Variants in CAMTA1 observed in about 807,000 individuals in gnomAD.
The protein encoded by CAMTA1 is calmodulin binding transcription activator 1.
CAMTA1 carries 27 observed loss-of-function variants against 170.9 expected under a neutral mutation model. The ratio of observed to expected loss-of-function variants is 0.16; its 90% CI spans 0.12 to 0.22. The LOEUF is 0.22. Ranked by LOEUF, CAMTA1 falls within the 10% of genes least tolerant of loss-of-function variation. CAMTA1 has a pLI of 1.00. For missense variants in CAMTA1, 1,619 were observed against 2,217.2 expected, an observed-to-expected ratio of 0.73 and a Z score of 5.42; for synonymous variants, 833 against 891.5, an observed-to-expected ratio of 0.93 and a Z score of 1.17.
chr1:6,844,058 G>T (rs1003085392), intron 3 of CAMTA1, among the ~76,000 whole-genome samples: 26 of 152,196 alleles, frequency 1.7e-4, no homozygotes, highest in African/African-American at 6.3e-4. Context: ...CTGTATAGCT[G>T]TGAAAACTAA....
Position 7,664,087 on chromosome 1 carries a change from C to T in CAMTA1, c.1540C>T (p.His514Tyr), listed in dbSNP as rs1167151900. 2 of 1,613,522 alleles carry T rather than the reference C, an allele frequency of 1.2e-6. No individual in the cohort carries two copies. The highest frequency in any genetic ancestry group is 1.3e-5 in the African/African-American group (1 of 74,944). The change falls in exon 9 of 23, where the codon CAC (histidine) becomes TAC (tyrosine). Residue 514 changes from histidine (H) to tyrosine (Y), a missense_variant. His to Tyr is a moderately conservative substitution (Grantham distance 83, BLOSUM62 2). Coordinates refer to ENST00000303635, the MANE Select transcript of CAMTA1 (RefSeq NM_015215.4). The stretch of plus-strand genomic sequence containing the variant: ...CGAGATGGTCAGCTCCAACATCCGG[C>T]ACTCGCCACCCGGGGAGCGGAGCTT... ...KAEMVSSNIR[H>Y]SPPGERSFSF...
At chr1:7,121,438 C>T (rs1558130027) in intron 4 of CAMTA1, among the ~76,000 whole-genome samples, 1 of 152,224 alleles carries the variant, frequency 6.6e-6, no homozygotes, top group East Asian at 1.9e-4. Context: ...AGGGAATGTT[C>T]TGGTTGCTAG....
intron 3 of CAMTA1, among the ~76,000 whole-genome samples, chr1:7,000,051 G>A (rs982715958): frequency 2.6e-5 from 4 of 152,222 alleles, no homozygotes; most frequent in East Asian, 1.9e-4. Flanking sequence ...GACTGTCTGC[G>A]TTGTCTGGGC....
At chr1:7,582,167 C>T (rs1246109629) in intron 6 of CAMTA1, among the ~76,000 whole-genome samples, 1 of 152,162 alleles carries the variant, frequency 6.6e-6, no homozygotes, top group African/African-American at 2.4e-5. Context: ...TCCCCAGCAA[C>T]GGCAGGGTCC....
chr1:7,690,546 T>C (rs1184011872), intron 11 of CAMTA1, among the ~76,000 whole-genome samples: 1 of 152,222 alleles, frequency 6.6e-6, no homozygotes, highest in Non-Finnish European at 1.5e-5. Flanking sequence ...GCTGCATCGA[T>C]TGGTCTTGAG....
At chr1:6,981,249 C>G (rs892529709) in intron 3 of CAMTA1, among the ~76,000 whole-genome samples, 2 of 151,994 alleles carry the variant, frequency 1.3e-5, no homozygotes, top group African/African-American at 4.8e-5. Context: ...TCAGAATTTC[C>G]AATAAAGGAT....
In CAMTA1 at chr1:7,592,715, A is replaced by G. The variant is rs894689208; in HGVS notation, c.511-47685A>G. 6.6e-6 allele frequency among the ~76,000 whole-genome samples: 1 copy of G among 152,188 alleles called. No homozygotes were observed. The highest frequency in any genetic ancestry group is 1.5e-5 in the Non-Finnish European group (1 of 68,034). ...TCTGTGCCCTGAACATAGGACACAC[A>G]GTGTCCTCATGGAGTCAACCAGCAT... On this transcript the variant is annotated intron_variant, in intron 6 of 22. Coordinates refer to ENST00000303635, the MANE Select transcript of CAMTA1 (RefSeq NM_015215.4). This position sits in a 1 kb window ranked among gnomAD's most constrained non-coding sequence, Gnocchi z 4.6.
intron 6 of CAMTA1, among the ~76,000 whole-genome samples, chr1:7,474,321 G>A (rs11807010): frequency 0.13 from 17,753 of 134,318 alleles, 2,391 homozygotes; most frequent in African/African-American, 0.24. Context: ...AGCAGCTATT[G>A]GCTGTGTGAA....
chr1:7,756,447 A>G (rs1036993019), intron 22 of CAMTA1, among the ~76,000 whole-genome samples: 1 of 152,202 alleles, frequency 6.6e-6, no homozygotes, highest in South Asian at 2.1e-4. Context: ...GAGATTTTAG[A>G]ATATGATGCT....
intron 5 of CAMTA1, among the ~76,000 whole-genome samples, chr1:7,405,695 A>G (rs911985599): frequency 3.3e-5 from 5 of 152,104 alleles, no homozygotes; most frequent in Admixed American, 3.3e-4. Context: ...GATCTTGAAC[A>G]TGTGAGTTAT....
At chr1:7,282,177 A>G (rs1476226083) in intron 5 of CAMTA1, among the ~76,000 whole-genome samples, 1 of 152,124 alleles carries the variant, frequency 6.6e-6, no homozygotes, top group Non-Finnish European at 1.5e-5. Flanking sequence ...ACCTCAGTAC[A>G]CTAGAGAGGA....
intron 4 of CAMTA1, among the ~76,000 whole-genome samples, chr1:7,150,469 C>T (rs1646508593): frequency 6.6e-6 from 1 of 152,124 alleles, no homozygotes; most frequent in African/African-American, 2.4e-5. Context: ...CAGGCCTCTC[C>T]ATGCAGGTGT....
At chr1:7,155,329 G>A (rs900752199) in intron 4 of CAMTA1, among the ~76,000 whole-genome samples, 8 of 151,564 alleles carry the variant, frequency 5.3e-5, no homozygotes, top group African/African-American at 1.9e-4. Context: ...CCCTTTTGCT[G>A]TCTCGGAGGG....
chr1:7,110,276 T>TC lies in CAMTA1; in HGVS notation c.302+18911dup, dbSNP rs371105003. 2.9e-4 allele frequency among the ~76,000 whole-genome samples: 44 copies of TC among 151,508 alleles called. 2 individuals are homozygous for TC. Among genetic ancestry groups the TC allele is most frequent in the South Asian group, 1.7e-3 (8 of 4,788 alleles). ...CCATTAGAATTTTCAGCACCCCCCTTCCCCCCTTTTTTTTTAAGTTTCTTT... is the reference window on the plus strand; with the variant it reads ...CCATTAGAATTTTCAGCACCCCCCTTCCCCCCCTTTTTTTTTAAGTTTCTTT... On this transcript the variant is annotated intron_variant, in intron 4 of 22. Transcript: ENST00000303635.
chr1:7,076,977 A>G (rs988805195), intron 3 of CAMTA1, among the ~76,000 whole-genome samples: 2 of 152,228 alleles, frequency 1.3e-5, no homozygotes, highest in African/African-American at 4.8e-5. Context: ...GTGGTGACTA[A>G]TCTGAACTTG....
Position 7,561,037 on chromosome 1 carries a change from C to T in CAMTA1, c.511-79363C>T, listed in dbSNP as rs912316656. ...GGGACCTAGAAGCCCTGGCCCTCTGCGCTCAGGCTCAGGGGGTGACGCTGG... is the reference window on the plus strand; with the variant it reads ...GGGACCTAGAAGCCCTGGCCCTCTGTGCTCAGGCTCAGGGGGTGACGCTGG... On this transcript the variant is annotated intron_variant, in intron 6 of 22. Coordinates refer to ENST00000303635, the MANE Select transcript of CAMTA1 (RefSeq NM_015215.4). The surrounding 1 kb of genome is among the most constrained non-coding windows in gnomAD (Gnocchi z 5.3). 1.3e-5 allele frequency among the ~76,000 whole-genome samples: 2 copies of T among 152,132 alleles called. No individual in the cohort carries two copies. The highest frequency in any genetic ancestry group is 1.9e-4 in the East Asian group (1 of 5,174).
At chr1:7,429,688 A>G (rs61772205) in intron 5 of CAMTA1, among the ~76,000 whole-genome samples, 47,673 of 147,496 alleles carry the variant, frequency 0.32, 7,998 homozygotes, top group Middle Eastern at 0.43. Flanking sequence ...TGATGATGGT[A>G]TGTTAGTTCT....
At position 7,748,117 on chromosome 1, in the gene CAMTA1, T is replaced by TG. The variant is rs1161511234; in HGVS notation, c.4689+337dup. On this transcript the variant is annotated intron_variant, in intron 19 of 22. Transcript: ENST00000303635. This position sits in a 1 kb window ranked among gnomAD's most constrained non-coding sequence, Gnocchi z 4.7. ...TAGTAGAGTCGGGGTTTCACCATGT[T>TG]GCCAGGCTGGTCTTGAACTCCTGAC... 2.6e-5 allele frequency among the ~76,000 whole-genome samples: 4 copies of TG among 151,920 alleles called. No homozygotes were observed. The highest frequency in any genetic ancestry group is 9.7e-5 in the African/African-American group (4 of 41,360).
intron 20 of CAMTA1, 143 bp from the exon 21 acceptor site, chr1:7,752,316 T>G: frequency 1.4e-6 from 1 of 710,690 alleles, no homozygotes; most frequent in South Asian, 1.6e-5. Context: ...TCATCCCCCT[T>G]CAGATTGTAT....
Sources: gnomAD v4.1 joint callset for allele counts (sites outside exome capture counted in the v4.1 genomes callset) on GRCh38, gnomAD v4.1.1 for gene constraint, Gnocchi (gnomAD v3.1) non-coding constraint, MANE v1.5 for transcripts, NCBI Gene and HGNC (gene_info 2026-07-23, HGNC 2026-07-21) for gene names.